Variants in HEPH observed in about 807,000 individuals in gnomAD.
The protein encoded by HEPH is hephaestin.
In HEPH, 69 loss-of-function variants were observed where a neutral mutation model predicts 80.8. That is an observed-to-expected ratio of 0.85 (90% CI 0.70 to 1.04). The LOEUF is 1.04. HEPH is among the 50% of genes least tolerant of loss of function. The pLI is 0.00. For missense variants in HEPH, 1,115 were observed against 891.3 expected (o/e 1.25, Z -3.20); for synonymous variants, 431 against 322.8 (o/e 1.34, Z -3.60).
intron 15 of HEPH, among the ~76,000 whole-genome samples, chrX:66,251,416 CATT>C (rs1407961420): frequency 1.8e-5 from 2 of 111,928 alleles, no homozygotes; most frequent in African/African-American, 6.5e-5. Flanking sequence ...AATGATATCT[CATT>C]GTAATTTTGA....
At chrX:66,255,392 TAA>T (rs35167259) in intron 16 of HEPH, among the ~76,000 whole-genome samples, 1 of 108,153 alleles carries the variant, frequency 9.2e-6, no homozygotes, top group African/African-American at 3.4e-5. Context: ...GTTCTCATTA[TAA>T]AAAAAAACAA....
chrX:66,170,090 G>A (rs60273039), intron 1 of HEPH: 31,463 of 111,180 alleles, frequency 0.28, 4,004 homozygotes, highest in African/African-American at 0.49. Flanking sequence ...GAATATTCTA[G>A]TAAATATTTT....
intron 15 of HEPH, among the ~76,000 whole-genome samples, chrX:66,216,602 T>C (rs1569348341): frequency 1.8e-5 from 2 of 111,730 alleles, no homozygotes; most frequent in Non-Finnish European, 3.8e-5. Flanking sequence ...CCCTCTAACA[T>C]AGTCTACCCA....
At chrX:66,178,468 G>A (rs1386017475) in intron 4 of HEPH, among the ~76,000 whole-genome samples, 12 of 112,414 alleles carry the variant, frequency 1.1e-4, no homozygotes, top group Non-Finnish European at 2.3e-4. Context: ...CCAGTAATGG[G>A]ATGGCTGGGT....
At chrX:66,179,284 T>C (rs930038168) in intron 4 of HEPH, among the ~76,000 whole-genome samples, 1 of 111,783 alleles carries the variant, frequency 8.9e-6, no homozygotes, top group African/African-American at 3.3e-5. Context: ...CTGAGGGCTC[T>C]GTTGTTTTTC....
intron 4 of HEPH, among the ~76,000 whole-genome samples, chrX:66,179,894 T>A (rs1330840990): frequency 8.9e-6 from 1 of 111,830 alleles, no homozygotes; most frequent in Non-Finnish European, 1.9e-5. Context: ...GATATAAGAA[T>A]AGCTTCTCCT....
chrX:66,221,276 C>G (rs776609549), intron 15 of HEPH, among the ~76,000 whole-genome samples: 5 of 111,924 alleles, frequency 4.5e-5, no homozygotes, highest in Non-Finnish European at 5.6e-5. Context: ...CTGAGTCCAA[C>G]ACCTCTACAC....
intron 4 of HEPH, among the ~76,000 whole-genome samples, chrX:66,176,434 G>C (rs2086805073): frequency 1.8e-5 from 2 of 111,525 alleles, no homozygotes; most frequent in African/African-American, 6.5e-5. Context: ...CCATTAGCTT[G>C]TATTTTGCTA....
At position 66,234,562 on chromosome X, in the gene HEPH, A is replaced by C; in HGVS notation, c.2564-20473A>C. On this transcript the variant is annotated intron_variant, in intron 15 of 20. Coordinates refer to ENST00000343002, the MANE Select transcript of HEPH (RefSeq NM_001367233.3). ...TGTATAAGCATTCCCTTTTCTCTGC[A>C]ATCTTGCCACCATCTGGTTTTTTTT... 1.8e-5 allele frequency among the ~76,000 whole-genome samples: 2 copies of C among 109,696 alleles called. 1 individual carries two copies. Among genetic ancestry groups the C allele is most frequent in the Middle Eastern group, 9.7e-3 (2 of 207 alleles).
intron 15 of HEPH, among the ~76,000 whole-genome samples, chrX:66,230,779 A>T (rs1433289765): frequency 3.8e-5 from 4 of 104,989 alleles, no homozygotes; most frequent in African/African-American, 1.4e-4. Context: ...TCTTGAGTTT[A>T]ATTAGATCCC....
chrX:66,196,484 A>G (rs1445913308), intron 9 of HEPH, among the ~76,000 whole-genome samples: 2 of 112,320 alleles, frequency 1.8e-5, no homozygotes, highest in African/African-American at 3.2e-5. Flanking sequence ...GTTATAAGCT[A>G]TACTAGAAAT....
In HEPH at chrX:66,190,013, G is replaced by T. The variant is rs942704069; in HGVS notation, c.1063+75G>T. ...ATGGTCAAGGGAGGCTGGGTTTCTG[G>T]CCTGAAGCCATAAATAAGTCCTCCA... On this transcript the variant is annotated intron_variant, in intron 6 of 20. Coordinates refer to ENST00000343002, the MANE Select transcript of HEPH (RefSeq NM_001367233.3). 1.5e-5 allele frequency: 15 copies of T among 1,027,949 alleles called. No homozygotes were observed. The South Asian group carries it at 3.3e-4, about 23-fold the overall frequency. 84.7% of individuals were successfully genotyped at this position (1,027,949 alleles called of 1,213,427 possible). A position where few individuals can be genotyped will look rare whatever the true frequency, so the allele number is the denominator to read the frequency against.
chrX:66,246,639 G>C (rs1009633479), intron 15 of HEPH, among the ~76,000 whole-genome samples: 1 of 111,379 alleles, frequency 9.0e-6, no homozygotes, highest in Middle Eastern at 4.7e-3. Context: ...TCTTGCATAG[G>C]CTCCTGTGGA....
At chrX:66,214,595 C>T (rs1219732848) in intron 15 of HEPH, among the ~76,000 whole-genome samples, 1 of 111,613 alleles carries the variant, frequency 9.0e-6, no homozygotes, top group Non-Finnish European at 1.9e-5. Flanking sequence ...CAAAGACGTT[C>T]TGCTGCATTA....
At chrX:66,202,056 G>A (rs996594054) in intron 12 of HEPH, among the ~76,000 whole-genome samples, 1 of 111,791 alleles carries the variant, frequency 8.9e-6, no homozygotes, top group Admixed American at 9.5e-5. Context: ...GTGCATTAGA[G>A]GTGGAGAAGT....
Position 66,164,350 on chromosome X carries a change from T to G in HEPH, c.-134T>G. The G allele has an allele frequency of 1.3e-6, 1 of 754,001 alleles. No individual in the cohort carries two copies. The highest frequency in any genetic ancestry group is 1.6e-6 in the Non-Finnish European group (1 of 639,195). 62.1% of individuals were successfully genotyped at this position (754,001 alleles called of 1,213,427 possible). ...CCAAATTGGAATCCTGGACTTAATT[T>G]AGGAGAAAGGCCCTGTAACCAAGAT... is the stretch of plus-strand genomic sequence containing the variant. On this transcript the variant is annotated 5_prime_UTR_variant, in exon 1 of 21. Transcript: ENST00000343002.
intron 5 of HEPH, among the ~76,000 whole-genome samples, chrX:66,189,427 C>G (rs2087671388): frequency 8.9e-6 from 1 of 112,074 alleles, no homozygotes; most frequent in African/African-American, 3.2e-5. Flanking sequence ...TTTATTAGCT[C>G]TATGGCATTG....
intron 19 of HEPH, among the ~76,000 whole-genome samples, chrX:66,262,325 A>C (rs2091394313): frequency 8.9e-6 from 1 of 111,964 alleles, no homozygotes; most frequent in Non-Finnish European, 1.9e-5. Flanking sequence ...GAAGACAGAA[A>C]ATATAAGGAT....
Position 66,203,502 on chromosome X carries a change from C to G in HEPH, c.2216C>G (p.Ala739Gly), listed in dbSNP as rs200669437. 25 of 1,209,770 alleles carry G rather than the reference C, an allele frequency of 2.1e-5. No homozygotes were observed. Among genetic ancestry groups the G allele is most frequent in the Admixed American group, 8.7e-5 (4 of 45,796 alleles). ...YQAARIYYIMAEEVEWDYCPD... is the reference protein window; with the variant it reads ...YQAARIYYIMGEEVEWDYCPD... ...GCTGCAAGAATCTACTATATCATGG[C>G]AGAAGAAGTAGAGTGGGACTATTGC... Residue 739 changes from alanine (A) to glycine (G), a missense_variant, in exon 13 of 21, where the codon GCA (alanine) becomes GGA (glycine). By Grantham distance (60) the Ala-to-Gly change is moderately conservative. Transcript: ENST00000343002.
Sources: allele counts gnomAD v4.1 joint callset (sites outside exome capture counted in the v4.1 genomes callset), GRCh38; gene constraint gnomAD v4.1.1; transcripts MANE v1.5; gene names NCBI Gene and HGNC (gene_info 2026-07-23, HGNC 2026-07-21).